VASH2: variants seen among roughly 807,000 people sequenced by gnomAD.
VASH2 encodes vasohibin 2, also known as tubulinyl-Tyr carboxypeptidase 2.
Under a neutral mutation model 37.2 loss-of-function variants are expected in VASH2, and 28 were observed. The observed-to-expected ratio is 0.75, with a 90% confidence interval of 0.56 to 1.03. The LOEUF is 1.03. Ranked by LOEUF, VASH2 falls within the 50% of genes least tolerant of loss-of-function variation. The probability of loss-of-function intolerance (pLI) is 0.00; values close to 1 mark genes in which losing one functional copy is unlikely to be tolerated. For synonymous variants in VASH2, 188 were observed against 174.7 expected, an observed-to-expected ratio of 1.08 and a Z score of -0.60; for missense variants, 419 against 459.1, an observed-to-expected ratio of 0.91 and a Z score of 0.80.
intron 3 of VASH2, among the ~76,000 whole-genome samples, chr1:212,963,491 G>A (rs1013405717): frequency 6.6e-6 from 1 of 152,156 alleles, no homozygotes; most frequent in Non-Finnish European, 1.5e-5. Context: ...GACTGTGAAT[G>A]TGCTCAGCTG....
chr1:212,971,970 G>A lies in VASH2; in HGVS notation c.498-610G>A, dbSNP rs187631260. Among the ~76,000 whole-genome samples the A allele has an allele frequency of 2.0e-5, 3 of 152,202 alleles. No homozygotes were observed. Among genetic ancestry groups the A allele is most frequent in the African/African-American group, 7.2e-5 (3 of 41,444 alleles). On this transcript the variant is annotated intron_variant, in intron 5 of 7. Coordinates refer to ENST00000517399, the MANE Select transcript of VASH2 (RefSeq NM_001301056.2). The surrounding 1 kb of genome is among the most constrained non-coding windows in gnomAD (Gnocchi z 4.0). ...TACAAACAATTACAGTACAGGATGG[G>A]TAAGCACCAAGTGCCATGGGGGTTC...
At chr1:212,957,946 C>T (rs59660295) in intron 2 of VASH2, among the ~76,000 whole-genome samples, 4,641 of 152,302 alleles carry the variant, frequency 0.03, 230 homozygotes, top group African/African-American at 0.11. Context: ...CCCCAAGTTG[C>T]CTACTTTTGC....
rs923364652 is a variant in VASH2, at chr1:212,960,834, G to A, written c.277-332G>A. On this transcript the variant is annotated intron_variant, in intron 2 of 7. Transcript: ENST00000517399. Reference sequence around the variant, plus strand: ...TCCGTCCTGGGCCAGGCTCGGTGGGGGGACATGATAGAACATAGTCCTTCG... The same window carrying A: ...TCCGTCCTGGGCCAGGCTCGGTGGGAGGACATGATAGAACATAGTCCTTCG... Among the ~76,000 whole-genome samples, 114 of 152,238 alleles carry A rather than the reference G, an allele frequency of 7.5e-4. 1 individual carries two copies. Among genetic ancestry groups the A allele is most frequent in the African/African-American group, 2.7e-3 (114 of 41,466 alleles).
In VASH2 at chr1:212,971,954, T is replaced by C. The variant is rs1214953816; in HGVS notation, c.498-626T>C. ...CCCCGCCCTCACAAGATACAAACAA[T>C]TACAGTACAGGATGGGTAAGCACCA... On this transcript the variant is annotated intron_variant, in intron 5 of 7. Transcript: ENST00000517399. The surrounding 1 kb of genome is among the most constrained non-coding windows in gnomAD (Gnocchi z 4.0). Among the ~76,000 whole-genome samples the C allele has an allele frequency of 2.6e-5, 4 of 152,112 alleles. No homozygotes were observed. The highest frequency in any genetic ancestry group is 9.7e-5 in the African/African-American group (4 of 41,412).
In VASH2 at chr1:212,972,817, G is replaced by C; in HGVS notation, c.735G>C (p.Lys245Asn). 22 of 1,614,210 alleles carry C rather than the reference G, an allele frequency of 1.4e-5. No individual in the cohort carries two copies. Among genetic ancestry groups the C allele is most frequent in the Non-Finnish European group, 1.9e-5 (22 of 1,180,042 alleles). ...SYKKYLHTVK[K>N]VKIGLYVPHE... The stretch of plus-strand genomic sequence containing the variant: ...AGAAATACCTGCACACAGTCAAGAA[G>C]GTCAAGATTGGGCTGTACGTCCCCC... The change falls in exon 6 of 8, where the codon AAG (lysine) becomes AAC (asparagine). Residue 245 changes from lysine (K) to asparagine (N), a missense_variant. Lys to Asn is a moderately conservative substitution (Grantham distance 94). Transcript: ENST00000517399.
At chr1:212,961,010 A>G (rs1223129001) in intron 2 of VASH2, among the ~76,000 whole-genome samples, 156 bp from the exon 3 acceptor site, 1 of 152,168 alleles carries the variant, frequency 6.6e-6, no homozygotes, top group African/African-American at 2.4e-5. Flanking sequence ...TGGAGGAGGC[A>G]CTGCTCAATC....
Position 212,951,758 on chromosome 1 carries a change from G to A in VASH2, c.216G>A (p.Lys72=), listed in dbSNP as rs1426995233. 1.9e-6 allele frequency: 3 copies of A among 1,608,802 alleles called. No individual in the cohort carries two copies. Among genetic ancestry groups the A allele is most frequent in the Middle Eastern group, 1.7e-4 (1 of 6,060 alleles). Residue 72 remains lysine (K), a synonymous_variant, in exon 2 of 8, where the codon AAG becomes AAA. Coordinates refer to ENST00000517399, the MANE Select transcript of VASH2 (RefSeq NM_001301056.2). The surrounding 1 kb of genome is among the most constrained non-coding windows in gnomAD (Gnocchi z 4.4). The stretch of plus-strand genomic sequence containing the variant: ...AGCGCATGTGGATGCACGTGGCCAA[G>A]GTGCACCCTAAGGGGGGAGAAATGG... ...TWERMWMHVA[K]VHPKGGEMVG... is the part of the protein sequence containing the mutation.
intron 7 of VASH2, among the ~76,000 whole-genome samples, chr1:212,981,875 C>G (rs1271087142): frequency 6.6e-6 from 1 of 152,236 alleles, no homozygotes; most frequent in Non-Finnish European, 1.5e-5. Flanking sequence ...GTGGTCATGT[C>G]TCCACTCCAT....
chr1:212,951,567 C>G lies in VASH2; in HGVS notation c.25C>G (p.His9Asp). The part of the protein sequence containing the change: MTGSAADT[H>D]RCPHPKGAKG... ...CATGACCGGCTCCGCGGCCGACACT[C>G]ACCGCTGCCCCCACCCCAAAGGCGC... is the stretch of plus-strand genomic sequence containing the variant. The change falls in exon 2 of 8, where the codon CAC (histidine) becomes GAC (aspartate). Residue 9 changes from histidine (H) to aspartate (D), a missense_variant. Physicochemically the swap from His to Asp is moderately conservative, Grantham distance 81. Around this residue, in one of 3 missense-constraint regions of VASH2, gnomAD observed 158 missense variants for 163.0 expected, o/e 0.97. Coordinates refer to ENST00000517399, the MANE Select transcript of VASH2 (RefSeq NM_001301056.2). This position sits in a 1 kb window ranked among gnomAD's most constrained non-coding sequence, Gnocchi z 4.4. The G allele has an allele frequency of 2.3e-5, 35 of 1,533,622 alleles. No homozygotes were observed. The highest frequency in any genetic ancestry group is 3.0e-5 in the Non-Finnish European group (34 of 1,139,708).
At chr1:212,965,859 C>A in intron 4 of VASH2, 81 bp downstream of exon 4, 11 of 1,369,332 alleles carry the variant, frequency 8.0e-6, no homozygotes, top group Non-Finnish European at 1.0e-5. Context: ...CCTCTATTCC[C>A]GTAGCCCATG....
rs80337695 is a variant in VASH2 at position 212,977,838 on chromosome 1, T to G, written c.995+3768T>G. Reference sequence around the variant, plus strand: ...GCCTGAGAACTGGTGTTTCTAATGATGCTGATCCTGCTGGTCCGGGGACCA... The same window carrying G: ...GCCTGAGAACTGGTGTTTCTAATGAGGCTGATCCTGCTGGTCCGGGGACCA... On this transcript the variant is annotated intron_variant, in intron 7 of 7. Coordinates refer to ENST00000517399, the MANE Select transcript of VASH2 (RefSeq NM_001301056.2). 4.9e-3 allele frequency among the ~76,000 whole-genome samples: 740 copies of G among 152,320 alleles called. 9 individuals are homozygous for G. The highest frequency in any genetic ancestry group is 0.017 in the African/African-American group (720 of 41,546).
At chr1:212,964,242 G>A (rs1220058045) in intron 3 of VASH2, among the ~76,000 whole-genome samples, 2 of 152,184 alleles carry the variant, frequency 1.3e-5, no homozygotes, top group East Asian at 1.9e-4. Context: ...GGGGTTACGT[G>A]TGCTCGTGTC....
intron 7 of VASH2, 60 bp downstream of exon 7, chr1:212,974,130 C>A: frequency 6.6e-7 from 1 of 1,520,742 alleles, no homozygotes; most frequent in South Asian, 1.3e-5. Context: ...AGGGGTTGTC[C>A]TGGCCCATGG....
At position 212,979,817 on chromosome 1, in the gene VASH2, T is replaced by C. The variant is rs555748470; in HGVS notation, c.995+5747T>C. Among the ~76,000 whole-genome samples, 8 of 152,266 alleles carry C rather than the reference T, an allele frequency of 5.3e-5. No homozygotes were observed. The South Asian group carries it at 1.2e-3, about 24-fold the overall frequency. Reference sequence around the variant, plus strand: ...GTAAAGCACCTACTACACTGAATTGTCAAGTTTTTTCCTGTGGTTCGTAAA... The same window carrying C: ...GTAAAGCACCTACTACACTGAATTGCCAAGTTTTTTCCTGTGGTTCGTAAA... On this transcript the variant is annotated intron_variant, in intron 7 of 7. Coordinates refer to ENST00000517399, the MANE Select transcript of VASH2 (RefSeq NM_001301056.2).
intron 7 of VASH2, among the ~76,000 whole-genome samples, chr1:212,983,102 G>A (rs527476320): frequency 4.8e-4 from 73 of 152,316 alleles, no homozygotes; most frequent in African/African-American, 1.7e-3. Context: ...ATGTTAGTGA[G>A]AATTTGATTG....
intron 5 of VASH2, among the ~76,000 whole-genome samples, chr1:212,969,660 C>G (rs1157690860): frequency 1.3e-5 from 2 of 152,242 alleles, no homozygotes; most frequent in Non-Finnish European, 1.5e-5. Context: ...CTCAGCCTCC[C>G]AAACAGACCT....
chr1:212,980,035 C>T (rs1667296941), intron 7 of VASH2, among the ~76,000 whole-genome samples: 1 of 152,148 alleles, frequency 6.6e-6, no homozygotes, highest in Non-Finnish European at 1.5e-5. Flanking sequence ...TTGCTTCTCA[C>T]ATCTTGGTAA....
intron 3 of VASH2, among the ~76,000 whole-genome samples, chr1:212,962,331 T>C (rs962432779): frequency 3.1e-4 from 47 of 152,330 alleles, no homozygotes; most frequent in Middle Eastern, 3.4e-3. Context: ...CAGCACATTG[T>C]CCAGGAGGTC....
At chr1:212,962,422 GCTTT>G (rs1666707710) in intron 3 of VASH2, among the ~76,000 whole-genome samples, 1 of 152,196 alleles carries the variant, frequency 6.6e-6, no homozygotes, top group Non-Finnish European at 1.5e-5. Context: ...ACATTGACTG[GCTTT>G]CTGTTTGTCT....
Sources: gnomAD v4.1 joint callset for allele counts (sites outside exome capture counted in the v4.1 genomes callset) on GRCh38, gnomAD v4.1.1 for gene constraint, gnomAD v4.1.1 regional missense constraint, Gnocchi (gnomAD v3.1) non-coding constraint, MANE v1.5 for transcripts, NCBI Gene and HGNC (gene_info 2026-07-23, HGNC 2026-07-21) for gene names.